Variants in DYNC2I1 observed in about 807,000 individuals in gnomAD.
DYNC2I1 encodes cytoplasmic dynein 2 intermediate chain 1.
In DYNC2I1, 89 loss-of-function variants were observed where a neutral mutation model predicts 133.4. The observed-to-expected ratio is 0.67, with a 90% confidence interval of 0.56 to 0.80. DYNC2I1 has a LOEUF of 0.80. DYNC2I1 is among the 30% of genes least tolerant of loss of function. DYNC2I1 has a pLI of 0.00. For synonymous variants in DYNC2I1, 504 were observed against 484.3 expected, an observed-to-expected ratio of 1.04 and a Z score of -0.54; for missense variants, 1,291 against 1,314.5, an observed-to-expected ratio of 0.98 and a Z score of 0.28.
chr7:158,893,843 T>C (rs185389374), intron 8 of DYNC2I1, among the ~76,000 whole-genome samples: 47 of 152,108 alleles, frequency 3.1e-4, no homozygotes, highest in African/African-American at 1.1e-3. Flanking sequence ...TATGTCATAG[T>C]GCATATCCTA....
At chr7:158,872,643 CCATT>C (rs777462866) in intron 3 of DYNC2I1, among the ~76,000 whole-genome samples, 47 of 149,120 alleles carry the variant, frequency 3.2e-4, no homozygotes, top group African/African-American at 6.4e-4. Flanking sequence ...AAAAAAAAAA[CCATT>C]CAGCCAATGA....
intron 14 of DYNC2I1, among the ~76,000 whole-genome samples, chr7:158,917,869 T>C (rs1212539748): frequency 1.3e-5 from 2 of 152,212 alleles, no homozygotes; most frequent in African/African-American, 4.8e-5. Context: ...CAGTCCTCAC[T>C]ACACATTCCC....
Position 158,891,324 on chromosome 7 carries a change from G to A in DYNC2I1, c.1050G>A (p.Glu350=). 1 of 1,614,050 alleles carries A rather than the reference G, an allele frequency of 6.2e-7. No individual in the cohort carries two copies. Among genetic ancestry groups the A allele is most frequent in the Non-Finnish European group, 8.5e-7 (1 of 1,179,896 alleles). Residue 350 remains glutamate (E), a synonymous_variant, in exon 8 of 25, where the codon GAG becomes GAA. Transcript: ENST00000407559. ...WWKLDQRPGG[E]ETVEIEKEET... Reference sequence around the variant, plus strand: ...AGCTGGACCAGAGGCCGGGAGGCGAGGAAACCGTGGTAAGGAGAGTACGTC... The same window carrying A: ...AGCTGGACCAGAGGCCGGGAGGCGAAGAAACCGTGGTAAGGAGAGTACGTC...
chr7:158,891,241 A>T, intron 7 of DYNC2I1, 24 bp from the exon 8 acceptor site: 1 of 1,613,796 alleles, frequency 6.2e-7, no homozygotes, highest in Non-Finnish European at 8.5e-7. Flanking sequence ...GTCCTGGCTG[A>T]TGGGGCTGTT....
At chr7:158,841,431 T>A in the DYNC2I1 span, among the ~76,000 whole-genome samples, 2 of 151,876 alleles carry the variant, frequency 1.3e-5, no homozygotes, top group African/African-American at 4.8e-5. Context: ...CAGGCTAGTC[T>A]CAAACTCCTG....
At chr7:158,949,848 C>T (rs1466999396), downstream of DYNC2I1, among the ~76,000 whole-genome samples, 6 of 152,006 alleles carry the variant, frequency 3.9e-5, no homozygotes, top group Non-Finnish European at 8.8e-5. Context: ...CTCGCCTCAC[C>T]GCAACCTCCG....
Position 158,871,403 on chromosome 7 carries a change from G to A in DYNC2I1, c.331G>A (p.Ala111Thr). The A allele has an allele frequency of 1.3e-6, 2 of 1,551,706 alleles. No homozygotes were observed. The highest frequency in any genetic ancestry group is 2.4e-5 in the East Asian group (1 of 40,916). The change falls in exon 3 of 25, where the codon GCA becomes ACA. Residue 111 changes from alanine to threonine, a missense_variant. Transcript: ENST00000407559. ...KEKLKEKHRE[A>T]EKSHSRGKDR... is the part of the protein sequence containing the mutation. ...AAAGCTGAAGGAGAAACATCGAGAG[G>A]CAGAAAAGTCTCACAGCAGAGGAAA...
chr7:158,915,272 G>C (rs1469877395), intron 14 of DYNC2I1, among the ~76,000 whole-genome samples: 1 of 151,992 alleles, frequency 6.6e-6, no homozygotes, highest in Non-Finnish European at 1.5e-5. Flanking sequence ...GTGAAACCTC[G>C]ACACGGTGGT....
At chr7:158,869,266 G>A (rs1025658656) in intron 1 of DYNC2I1, among the ~76,000 whole-genome samples, 3 of 147,220 alleles carry the variant, frequency 2.0e-5, no homozygotes, top group Admixed American at 1.4e-4. Flanking sequence ...CTCTGGGCCC[G>A]TGGCTGTGGC....
intron 20 of DYNC2I1, among the ~76,000 whole-genome samples, chr7:158,927,841 C>T (rs920766050): frequency 3.3e-5 from 5 of 151,430 alleles, no homozygotes; most frequent in East Asian, 1.9e-4. Context: ...CATGAGCCAC[C>T]GTCCAGCCTG....
At chr7:158,863,129 A>AG (rs1340661032) in intron 1 of DYNC2I1, among the ~76,000 whole-genome samples, 137 of 41,424 alleles carry the variant, frequency 3.3e-3, no homozygotes, top group African/African-American at 0.013. Flanking sequence ...GGGTGGGGGG[A>AG]GGGGGGCCAG....
At chr7:158,846,795 C>T in the DYNC2I1 span, among the ~76,000 whole-genome samples, 345 of 152,308 alleles carry the variant, frequency 2.3e-3, 1 homozygote, top group Non-Finnish European at 3.5e-3. Context: ...GGGATGGTAA[C>T]TCTCTCCTTC....
intron 5 of DYNC2I1, 66 bp from the exon 6 acceptor site, chr7:158,884,498 C>CTAA: frequency 6.8e-7 from 1 of 1,478,136 alleles, no homozygotes; most frequent in Non-Finnish European, 9.2e-7. Context: ...GTGGGGTTTA[C>CTAA]TAATTATGCT....
rs560353141 is a variant in DYNC2I1, at chr7:158,908,278, T to A, written c.1460+2187T>A. Among the ~76,000 whole-genome samples the A allele has an allele frequency of 4.7e-5, 7 of 148,830 alleles. No homozygotes were observed. In the East Asian group the frequency reaches 7.9e-4, roughly 17 times the overall value. Reference sequence around the variant, plus strand: ...ACCCAAGATAAATTCCAAATGGATTTAAAAAAAAAATGAAAAAGAGAGCAT... The same window carrying A: ...ACCCAAGATAAATTCCAAATGGATTAAAAAAAAAAATGAAAAAGAGAGCAT... On this transcript the variant is annotated intron_variant, in intron 11 of 24. Coordinates refer to ENST00000407559, the MANE Select transcript of DYNC2I1 (RefSeq NM_018051.5).
intron 23 of DYNC2I1, among the ~76,000 whole-genome samples, chr7:158,938,263 C>G (rs534595419): frequency 2.0e-4 from 31 of 152,340 alleles, no homozygotes; most frequent in African/African-American, 7.2e-4. Context: ...TCCAGTTCAT[C>G]TGGCAACAGA....
At chr7:158,917,204 C>G (rs1473731780) in intron 14 of DYNC2I1, among the ~76,000 whole-genome samples, 1 of 143,738 alleles carries the variant, frequency 7.0e-6, no homozygotes, top group Non-Finnish European at 1.5e-5. Flanking sequence ...GAAACGTCGA[C>G]ACGCTGGTTG....
chr7:158,954,394 C>T lies in DYNC2I1; in HGVS notation c.*57-2189C>T, dbSNP rs144960295. Among the ~76,000 whole-genome samples the T allele has an allele frequency of 2.3e-4, 35 of 152,330 alleles. 1 individual carries two copies. In the East Asian group the frequency reaches 6.8e-3, roughly 29 times the overall value. ...GTGTAGTGGCTCACACCTGTAATCTCAGCACTTTGGGAGGCCAAGGTGGGC... is the reference window on the plus strand; with the variant it reads ...GTGTAGTGGCTCACACCTGTAATCTTAGCACTTTGGGAGGCCAAGGTGGGC... On this transcript the variant is annotated intron_variant and NMD_transcript_variant, in intron 4 of 4. Transcript: ENST00000454771.
chr7:158,901,675 T>C (rs2129483522), intron 8 of DYNC2I1, 64 bp from the exon 9 acceptor site: 1 of 1,013,788 alleles, frequency 9.9e-7, no homozygotes, highest in Non-Finnish European at 1.5e-6. Context: ...GTTTTCCCAA[T>C]CTATTTGCAA....
chr7:158,942,202 G>A, intron 24 of DYNC2I1, 54 bp downstream of exon 24: 1 of 1,396,488 alleles, frequency 7.2e-7, no homozygotes, highest in Non-Finnish European at 9.6e-7. Flanking sequence ...TTCGGCCACG[G>A]GTGCCACTTA....
Sources: gnomAD v4.1 joint callset for allele counts (sites outside exome capture counted in the v4.1 genomes callset) on GRCh38, gnomAD v4.1.1 for gene constraint, MANE v1.5 for transcripts, NCBI Gene and HGNC (gene_info 2026-07-23, HGNC 2026-07-21) for gene names.